The following KHDC1 variants were observed in gnomAD, a reference collection of about 807,000 sequenced individuals.
KHDC1 encodes KH domain containing 1.
A neutral mutation model predicts 24.7 loss-of-function variants in KHDC1; 21 were observed. The observed-to-expected ratio is 0.85, with a 90% CI of 0.60 to 1.23. KHDC1 has a LOEUF of 1.23. KHDC1 is among the 50% of genes most tolerant of loss of function. The pLI is 0.00. For missense variants in KHDC1, 274 were observed against 298.5 expected, an observed-to-expected ratio of 0.92 and a Z score of 0.61; for synonymous variants, 98 against 111.7, an observed-to-expected ratio of 0.88 and a Z score of 0.77.
exon 5 of KHDC1, chr6:73,241,708 C>T: frequency 3.1e-6 from 5 of 1,614,172 alleles, no homozygotes; most frequent in East Asian, 2.2e-5. Flanking sequence ...TGGCTTCGGA[C>T]ACGTTCCAGC....
intron 1 of KHDC1, among the ~76,000 whole-genome samples, chr6:73,302,657 C>A (rs1026129925): frequency 1.3e-5 from 2 of 152,110 alleles, no homozygotes; most frequent in Non-Finnish European, 2.9e-5. Flanking sequence ...ATGGTTACGA[C>A]GCCACTGTTA....
At chr6:73,247,026 G>A (rs1766681073) in intron 2 of KHDC1, among the ~76,000 whole-genome samples, 1 of 151,478 alleles carries the variant, frequency 6.6e-6, no homozygotes, top group African/African-American at 2.4e-5. Context: ...TGCCCAGGCT[G>A]GAGTGCAATG....
intron 2 of KHDC1, among the ~76,000 whole-genome samples, chr6:73,243,618 C>T (rs1017321460): frequency 2.0e-5 from 3 of 152,180 alleles, no homozygotes; most frequent in Non-Finnish European, 2.9e-5. Flanking sequence ...AGTTATTAAT[C>T]CTAGCAACAG....
intron 2 of KHDC1, among the ~76,000 whole-genome samples, chr6:73,259,351 T>G (rs923879815): frequency 6.8e-6 from 1 of 146,886 alleles, no homozygotes; most frequent in Non-Finnish European, 1.5e-5. Context: ...GCAGTGGCTA[T>G]TCATAGGTGC....
chr6:73,243,766 G>A lies in KHDC1; in HGVS notation c.207-1236C>T, dbSNP rs116056311. ...TCTGCCTGAGCAGTAATGTTTTAGC[G>A]AGGTGCTGCAAACAGTGTTTGCTAT... On this transcript the variant is annotated intron_variant, in intron 2 of 4. Transcript: ENST00000370384. Among the ~76,000 whole-genome samples, 252 of 152,330 alleles carry A rather than the reference G, an allele frequency of 1.7e-3. 1 individual carries two copies. The highest frequency in any genetic ancestry group is 5.8e-3 in the African/African-American group (243 of 41,572).
In KHDC1 at chr6:73,242,170, C is replaced by A. The variant is rs369480492; in HGVS notation, c.399G>T (p.Trp133Cys). 106 of 1,614,034 alleles carry A rather than the reference C, an allele frequency of 6.6e-5. No homozygotes were observed. Among genetic ancestry groups the A allele is most frequent in the Non-Finnish European group, 8.1e-5 (95 of 1,180,028 alleles). ...CACGAGTCTGGCCTGTAGCTGTGAA[C>A]CAACTCTCCAGCTGAATAAGGGTGT... Residue 133 changes from tryptophan (W) to cysteine (C), a missense_variant, in exon 4 of 5, where the codon TGG becomes TGT. Physicochemically the swap from Trp to Cys is radical, Grantham distance 215. Transcript: ENST00000370384.
chr6:73,272,062 G>C (rs2150611854), intron 2 of KHDC1, among the ~76,000 whole-genome samples: 1 of 151,088 alleles, frequency 6.6e-6, no homozygotes, highest in African/African-American at 2.4e-5. Context: ...GTCAACACCA[G>C]ACAACACTAC....
At chr6:73,290,105 T>C (rs1314580951) in intron 2 of KHDC1, among the ~76,000 whole-genome samples, 1 of 10,384 alleles carries the variant, frequency 9.6e-5, no homozygotes, top group African/African-American at 2.2e-4. Context: ...AGACTCCGTC[T>C]CAAAAAAAAA....
In KHDC1 at chr6:73,287,533, C is replaced by A. The variant is rs111866310; in HGVS notation, c.206+4465G>T. Among the ~76,000 whole-genome samples the A allele has an allele frequency of 2.1e-3, 326 of 152,286 alleles. 2 individuals are homozygous for A. The highest frequency in any genetic ancestry group is 6.8e-3 in the Middle Eastern group (2 of 294). Reference sequence around the variant, plus strand: ...CAGTTTCCAGACATACGCCAGTTTCCAGATCTGAAACTGAATGACTGAAGG... The same window carrying A: ...CAGTTTCCAGACATACGCCAGTTTCAAGATCTGAAACTGAATGACTGAAGG... On this transcript the variant is annotated intron_variant, in intron 2 of 4. Transcript: ENST00000370384.
chr6:73,247,734 G>A (rs771911106), intron 2 of KHDC1, among the ~76,000 whole-genome samples: 2 of 151,832 alleles, frequency 1.3e-5, no homozygotes, highest in South Asian at 2.1e-4. Context: ...GCACGCATCT[G>A]TAATCTCAGC....
chr6:73,290,088 CAG>C (rs1159101946), intron 2 of KHDC1, among the ~76,000 whole-genome samples: 2 of 107,412 alleles, frequency 1.9e-5, no homozygotes, highest in African/African-American at 7.4e-5. Flanking sequence ...GCCTGGGCAA[CAG>C]AGCGAGACTC....
intron 2 of KHDC1, among the ~76,000 whole-genome samples, chr6:73,285,172 CTT>C (rs1318859837): frequency 1.3e-5 from 2 of 152,110 alleles, no homozygotes; most frequent in African/African-American, 2.4e-5. Context: ...ATATCCCACT[CTT>C]TAAATTTCCA....
chr6:73,295,215 G>A (rs374889160), intron 1 of KHDC1, among the ~76,000 whole-genome samples: 2 of 152,150 alleles, frequency 1.3e-5, no homozygotes, highest in Admixed American at 6.5e-5. Context: ...TCCTGCTCTG[G>A]CCATGTGATG....
At chr6:73,303,580 T>C (rs531953323) in intron 1 of KHDC1, among the ~76,000 whole-genome samples, 27 of 152,234 alleles carry the variant, frequency 1.8e-4, no homozygotes, top group Non-Finnish European at 2.8e-4. Flanking sequence ...TGAAATACGA[T>C]GCACTGAGAA....
chr6:73,255,214 CTTTTTTTTTT>C (rs765910035), intron 2 of KHDC1, among the ~76,000 whole-genome samples: 1 of 121,270 alleles, frequency 8.2e-6, no homozygotes, highest in Admixed American at 8.4e-5. Flanking sequence ...AAAAAATAAA[CTTTTTTTTTT>C]TTTTTTTTTT....
At chr6:73,252,771 C>A (rs972052280) in intron 2 of KHDC1, among the ~76,000 whole-genome samples, 1 of 151,400 alleles carries the variant, frequency 6.6e-6, no homozygotes, top group Admixed American at 6.6e-5. Context: ...GAGCTGAGAT[C>A]GTGCCACTGA....
At chr6:73,285,649 C>CTTTTTTTT (rs539979246) in intron 2 of KHDC1, among the ~76,000 whole-genome samples, 11 of 130,058 alleles carry the variant, frequency 8.5e-5, no homozygotes, top group Admixed American at 1.6e-4. Context: ...TCTTTTTTTT[C>CTTTTTTTT]TTTTTTTTTT....
chr6:73,259,280 CTTTTTTTTTTT>C (rs59935884), intron 2 of KHDC1, among the ~76,000 whole-genome samples: 1 of 73,238 alleles, frequency 1.4e-5, no homozygotes, highest in Non-Finnish European at 2.4e-5. Flanking sequence ...ATCCAATATG[CTTTTTTTTTTT>C]TTTTTTTTTT....
chr6:73,297,858 A>G (rs1032958497), intron 1 of KHDC1, among the ~76,000 whole-genome samples: 2 of 152,146 alleles, frequency 1.3e-5, no homozygotes, highest in African/African-American at 2.4e-5. Flanking sequence ...TGAGTCTTCA[A>G]GGTTTAATTT....
Sources: allele counts gnomAD v4.1 joint callset (sites outside exome capture counted in the v4.1 genomes callset), GRCh38; gene constraint gnomAD v4.1.1; transcripts MANE v1.5; gene names NCBI Gene and HGNC (gene_info 2026-07-23, HGNC 2026-07-21).